Variants in PRDM10 observed in about 807,000 individuals in gnomAD.
PRDM10 encodes the protein PR/SET domain 10, also known as PR domain zinc finger protein 10.
PRDM10 carries 65 observed loss-of-function variants against 133.1 expected under a neutral mutation model. The ratio of observed to expected loss-of-function variants is 0.49; its 90% CI spans 0.40 to 0.60. The LOEUF is 0.60. Ranked by LOEUF, PRDM10 falls within the 20% of genes least tolerant of loss-of-function variation. PRDM10 has a pLI of 0.00. For synonymous variants in PRDM10, 582 were observed against 580.4 expected, an observed-to-expected ratio of 1.00 and a Z score of -0.04; for missense variants, 1,137 against 1,507.1, an observed-to-expected ratio of 0.75 and a Z score of 4.07.
intron 2 of PRDM10, among the ~76,000 whole-genome samples, chr11:129,958,479 TA>T (rs1436977553): frequency 4.0e-5 from 6 of 151,690 alleles, no homozygotes; most frequent in African/African-American, 1.5e-4. Flanking sequence ...CTGTCTCTAC[TA>T]AAAAAATACA....
In PRDM10 at chr11:129,931,081, C is replaced by T. The variant is rs1950840666; in HGVS notation, c.1465G>A (p.Glu489Lys). 1 of 1,614,248 alleles carries T rather than the reference C, an allele frequency of 6.2e-7. No individual in the cohort carries two copies. The highest frequency in any genetic ancestry group is 2.2e-5 in the East Asian group (1 of 44,886). The change falls in exon 11 of 21, where the codon GAG becomes AAG. Residue 489 changes from glutamate to lysine, a missense_variant. Coordinates refer to ENST00000360871, the MANE Select transcript of PRDM10 (RefSeq NM_199437.2). ...HTLHLQPQHE[E>K]SVVPTQSTLT... ...GTGCTCTGGGTGGGCACCACGCTCT[C>T]TTCATGCTGCGGCTGCAGGTGCAGG...
chr11:129,924,792 C>T, intron 12 of PRDM10, 90 bp downstream of exon 12: 2 of 1,098,386 alleles, frequency 1.8e-6, no homozygotes, highest in Non-Finnish European at 2.6e-6. Flanking sequence ...GATGGAAATG[C>T]AGGTGCTAGG....
At chr11:129,937,147 A>G (rs529639796) in intron 8 of PRDM10, among the ~76,000 whole-genome samples, 9 of 152,372 alleles carry the variant, frequency 5.9e-5, no homozygotes, top group African/African-American at 2.2e-4. Flanking sequence ...AGAAACTTCT[A>G]GGGCACAGTA....
chr11:129,971,828 G>A (rs945941096), intron 1 of PRDM10, among the ~76,000 whole-genome samples: 5 of 152,240 alleles, frequency 3.3e-5, no homozygotes, highest in South Asian at 2.1e-4. Flanking sequence ...CGTGCCGTGC[G>A]CTCGCATTCC....
intron 14 of PRDM10, among the ~76,000 whole-genome samples, chr11:129,917,847 G>A (rs1950404335): frequency 6.6e-6 from 1 of 152,220 alleles, no homozygotes; most frequent in African/African-American, 2.4e-5. Flanking sequence ...GAAACAGCTG[G>A]GGGCTGGGTG....
In PRDM10 at chr11:129,925,117, T is replaced by C. The variant is rs1356481246; in HGVS notation, c.1643A>G (p.His548Arg). ...CAGTGGGCAGTTCCCCTCCCGCCCA[T>C]GGAAGCGTAAGTGCTGGTCCAGTTT... is the stretch of plus-strand genomic sequence containing the variant. ...KDKLDQHLRFHGREGNCPLTC... is the reference protein window; with the variant it reads ...KDKLDQHLRFRGREGNCPLTC... Residue 548 changes from histidine to arginine, a missense_variant, in exon 12 of 21, where the codon CAT (histidine) becomes CGT (arginine). His to Arg is a conservative substitution (Grantham distance 29). This residue lies in a region of PRDM10 where 635 missense variants were observed against 835.2 expected (regional missense o/e 0.76). Transcript: ENST00000360871. 1.2e-6 allele frequency: 2 copies of C among 1,614,064 alleles called. No homozygotes were observed. The highest frequency in any genetic ancestry group is 1.7e-6 in the Non-Finnish European group (2 of 1,180,040).
chr11:129,992,380 C>T (rs1938804163), intron 1 of PRDM10, among the ~76,000 whole-genome samples: 1 of 152,210 alleles, frequency 6.6e-6, no homozygotes, highest in Non-Finnish European at 1.5e-5. Flanking sequence ...TCAATTAACC[C>T]TCACCACAAC....
intron 1 of PRDM10, among the ~76,000 whole-genome samples, chr11:129,985,510 G>A (rs978315619): frequency 2.0e-5 from 3 of 151,832 alleles, no homozygotes; most frequent in African/African-American, 7.3e-5. Context: ...TATGGTATTG[G>A]GCAGGGCACA....
chr11:129,982,517 T>C (rs1270732661), intron 1 of PRDM10, among the ~76,000 whole-genome samples: 1 of 152,140 alleles, frequency 6.6e-6, no homozygotes, highest in African/African-American at 2.4e-5. Context: ...CACAAAGAAA[T>C]GTCTTAGGGA....
At chr11:130,000,176 TG>T (rs1490538260) in intron 1 of PRDM10, among the ~76,000 whole-genome samples, 3 of 152,118 alleles carry the variant, frequency 2.0e-5, no homozygotes, top group Admixed American at 1.3e-4. Flanking sequence ...CCCGAGTAGT[TG>T]GGATTACAGG....
Position 129,971,422 on chromosome 11 carries a change from T to C in PRDM10, c.-118-10340A>G, listed in dbSNP as rs567465294. ...GTTCTCCACGTCCCCATCAGATTAG[T>C]TAGATACAGAGTGTCGACACAAAGG... On this transcript the variant is annotated intron_variant, in intron 1 of 20. Transcript: ENST00000360871. Among the ~76,000 whole-genome samples the C allele has an allele frequency of 1.4e-3, 217 of 152,200 alleles. 3 individuals carry two copies. Among genetic ancestry groups the C allele is most frequent in the African/African-American group, 5.1e-3 (212 of 41,530 alleles).
At chr11:129,948,110 G>A (rs1303269687) in intron 4 of PRDM10, 1 of 456,476 alleles carries the variant, frequency 2.2e-6, no homozygotes, top group Non-Finnish European at 4.4e-6. Context: ...TCAGTCTCCT[G>A]CAAATAAGAC....
At chr11:129,956,493 G>A (rs956199781) in intron 3 of PRDM10, among the ~76,000 whole-genome samples, 5 of 152,154 alleles carry the variant, frequency 3.3e-5, no homozygotes, top group African/African-American at 1.2e-4. Flanking sequence ...GAACCCGGGA[G>A]GTAGAGGTTG....
At chr11:129,995,951 CA>C (rs398045725) in intron 1 of PRDM10, among the ~76,000 whole-genome samples, 4 of 149,234 alleles carry the variant, frequency 2.7e-5, no homozygotes, top group Non-Finnish European at 5.9e-5. Context: ...GTCTCAAAAA[CA>C]AAAGAAAAGA....
At position 129,902,150 on chromosome 11, in the gene PRDM10, A is replaced by T; in HGVS notation, c.*163T>A. The T allele has an allele frequency of 1.1e-6, 1 of 950,584 alleles. No homozygotes were observed. Among genetic ancestry groups the T allele is most frequent in the Non-Finnish European group, 1.5e-6 (1 of 666,494 alleles). The allele number at this position is 950,584 out of a possible 1,614,324, so 58.9% of individuals were successfully genotyped here. A position where few individuals can be genotyped will look rare whatever the true frequency, so the allele number is the denominator to read the frequency against. ...TTGAAGAGTCAATTTGATAAAGATG[A>T]CCTTGGCAAAATAAACCCCAGTGTA... On this transcript the variant is annotated 3_prime_UTR_variant, in exon 21 of 21. Transcript: ENST00000360871.
intron 1 of PRDM10, among the ~76,000 whole-genome samples, chr11:129,966,336 C>G (rs1371583150): frequency 6.6e-6 from 1 of 152,178 alleles, no homozygotes; most frequent in Admixed American, 6.5e-5. Context: ...TTCATCGAGT[C>G]TACAAAGTAC....
chr11:130,001,136 AC>A (rs1030919850), intron 1 of PRDM10, among the ~76,000 whole-genome samples: 4 of 152,102 alleles, frequency 2.6e-5, no homozygotes, highest in African/African-American at 9.7e-5. Flanking sequence ...CTTTCTAAAT[AC>A]CCCATATTGA....
intron 17 of PRDM10, among the ~76,000 whole-genome samples, chr11:129,913,769 C>T (rs1950265639): frequency 6.6e-6 from 1 of 152,160 alleles, no homozygotes; most frequent in Non-Finnish European, 1.5e-5. Context: ...TGGCAACTTC[C>T]AATTTCCTGT....
chr11:129,935,276 C>T, intron 8 of PRDM10, 58 bp from the exon 9 acceptor site: 1 of 1,268,872 alleles, frequency 7.9e-7, no homozygotes, highest in Admixed American at 1.7e-5. Flanking sequence ...CAGTAAAACT[C>T]AAAAGTCTGC....
Sources: allele counts gnomAD v4.1 joint callset (sites outside exome capture counted in the v4.1 genomes callset), GRCh38; gene constraint gnomAD v4.1.1; regional missense constraint gnomAD v4.1.1; transcripts MANE v1.5; gene names NCBI Gene and HGNC (gene_info 2026-07-23, HGNC 2026-07-21).